The following PAMR1 variants were observed in gnomAD, a reference collection of about 807,000 sequenced individuals.
PAMR1 encodes inactive serine protease PAMR1.
In PAMR1, 88 loss-of-function variants were observed where a neutral mutation model predicts 81.8. The ratio of observed to expected loss-of-function variants is 1.08; its 90% CI spans 0.91 to 1.28. The LOEUF is 1.28. PAMR1 is among the 50% of genes most tolerant of loss of function. The probability of loss-of-function intolerance (pLI) is 0.00; values close to 1 mark genes in which losing one functional copy is unlikely to be tolerated. For synonymous variants in PAMR1, 336 were observed against 345.3 expected (o/e 0.97, Z 0.30); for missense variants, 935 against 919.7 (o/e 1.02, Z -0.21).
At chr11:35,463,815 C>A (rs1856708935) in intron 6 of PAMR1, among the ~76,000 whole-genome samples, 1 of 152,176 alleles carries the variant, frequency 6.6e-6, no homozygotes, top group African/African-American at 2.4e-5. Context: ...GCTCTCACAC[C>A]TTCTTGACAG....
At chr11:35,477,650 A>G (rs1175014799) in intron 3 of PAMR1, among the ~76,000 whole-genome samples, 2 of 152,240 alleles carry the variant, frequency 1.3e-5, no homozygotes, top group Non-Finnish European at 2.9e-5. Context: ...TAAATCGTGC[A>G]TGGCAAACTC....
chr11:35,500,235 A>T (rs1850806358), intron 1 of PAMR1, among the ~76,000 whole-genome samples: 1 of 152,166 alleles, frequency 6.6e-6, no homozygotes, highest in African/African-American at 2.4e-5. Context: ...TCAGTAGGGG[A>T]CTAACATACT....
chr11:35,524,803 C>G (rs1851354405), intron 1 of PAMR1, among the ~76,000 whole-genome samples: 1 of 152,182 alleles, frequency 6.6e-6, no homozygotes, highest in South Asian at 2.1e-4. Flanking sequence ...TCATTTGTCC[C>G]CAGAAGCCCA....
chr11:35,492,074 C>T lies in PAMR1; in HGVS notation c.350G>A (p.Arg117Gln), dbSNP rs147748848. Residue 117 changes from arginine to glutamine, a missense_variant, in exon 3 of 11, where the codon CGA becomes CAA. By Grantham distance (43) the Arg-to-Gln change is conservative. Transcript: ENST00000619888. ...GCAGTCTCCTCCGTACCAGCCTGCT[C>T]GGCACTCTGCACAGTAGAACCCCTT... is the stretch of plus-strand genomic sequence containing the variant. ...YVKGFYCAECRAGWYGGDCMR... is the reference protein window; with the variant it reads ...YVKGFYCAECQAGWYGGDCMR... The T allele has an allele frequency of 2.9e-5, 46 of 1,613,682 alleles. No homozygotes were observed. Among genetic ancestry groups the T allele is most frequent in the African/African-American group, 5.3e-5 (4 of 74,878 alleles).
At chr11:35,496,344 G>A (rs1850726549) in intron 1 of PAMR1, among the ~76,000 whole-genome samples, 1 of 152,192 alleles carries the variant, frequency 6.6e-6, no homozygotes, top group Non-Finnish European at 1.5e-5. Context: ...CAAAATGGGA[G>A]AAAATATCAG....
chr11:35,459,520 C>T (rs1420550104), intron 6 of PAMR1, among the ~76,000 whole-genome samples: 1 of 152,116 alleles, frequency 6.6e-6, no homozygotes, highest in African/African-American at 2.4e-5. Context: ...AAATGTTCCC[C>T]AGTGGTATTC....
intron 3 of PAMR1, among the ~76,000 whole-genome samples, 157 bp downstream of exon 3, chr11:35,491,888 T>G (rs1348110164): frequency 2.0e-5 from 3 of 152,200 alleles, no homozygotes; most frequent in Non-Finnish European, 4.4e-5. Flanking sequence ...ACCTTGCAGA[T>G]GGAAATCCAT....
intron 1 of PAMR1, among the ~76,000 whole-genome samples, chr11:35,499,590 T>C (rs992819302): frequency 1.3e-5 from 2 of 152,066 alleles, no homozygotes; most frequent in African/African-American, 4.8e-5. Context: ...ATGCCAGGGG[T>C]CTCCCTTTTA....
At chr11:35,480,949 G>T (rs1850379324) in intron 3 of PAMR1, among the ~76,000 whole-genome samples, 1 of 152,194 alleles carries the variant, frequency 6.6e-6, no homozygotes, top group Non-Finnish European at 1.5e-5. Context: ...GTGAGAACAT[G>T]TGGTGGTTGG....
chr11:35,455,362 C>G (rs1466058925), intron 6 of PAMR1, among the ~76,000 whole-genome samples: 1 of 152,150 alleles, frequency 6.6e-6, no homozygotes, highest in East Asian at 1.9e-4. Context: ...CATTCCTAAC[C>G]TGGGAGTGGA....
chr11:35,443,392 T>C (rs1856220351), intron 6 of PAMR1, among the ~76,000 whole-genome samples: 1 of 152,090 alleles, frequency 6.6e-6, no homozygotes, highest in South Asian at 2.1e-4. Flanking sequence ...CCAGTGTGTG[T>C]TATTCCCCTC....
At chr11:35,507,109 C>A (rs1281169222) in intron 1 of PAMR1, among the ~76,000 whole-genome samples, 1 of 128,950 alleles carries the variant, frequency 7.8e-6, no homozygotes, top group African/African-American at 3.0e-5. Flanking sequence ...TGCAATGGTG[C>A]AATCTCAGCT....
Position 35,432,359 on chromosome 11 carries a change from T to C in PAMR1, c.2160A>G (p.Lys720=). ...TCAAGGAGTGCATGAGCATGGTTCA[T>C]TTCATATTTCTTTCAATCCAGTCTT... ...PFKDWIERNM[K] is the part of the protein sequence containing the mutation. The change falls in exon 11 of 11, where the codon AAA becomes AAG. Residue 720 remains lysine (K), a synonymous_variant. Transcript: ENST00000619888. The C allele has an allele frequency of 7.5e-6, 12 of 1,609,146 alleles. No homozygotes were observed. The highest frequency in any genetic ancestry group is 1.0e-5 in the Non-Finnish European group (12 of 1,179,106).
chr11:35,497,487 C>T (rs1415499572), intron 1 of PAMR1, among the ~76,000 whole-genome samples: 1 of 152,154 alleles, frequency 6.6e-6, no homozygotes, highest in Non-Finnish European at 1.5e-5. Context: ...GAACTAGATA[C>T]AGGTGATGGT....
chr11:35,456,484 A>G, intron 6 of PAMR1, among the ~76,000 whole-genome samples: 1 of 152,218 alleles, frequency 6.6e-6, no homozygotes, highest in East Asian at 1.9e-4. Flanking sequence ...GCTGAGAATA[A>G]TCATTGGAGA....
chr11:35,508,851 T>C (rs1851024135), intron 1 of PAMR1, among the ~76,000 whole-genome samples: 1 of 152,162 alleles, frequency 6.6e-6, no homozygotes, highest in African/African-American at 2.4e-5. Context: ...GGTCTCCAGC[T>C]CCATCCATGT....
chr11:35,443,898 G>A (rs115290654), intron 6 of PAMR1, among the ~76,000 whole-genome samples: 51 of 152,308 alleles, frequency 3.3e-4, no homozygotes, highest in African/African-American at 4.8e-5. Context: ...TCGCCATTGC[G>A]ACTGGCATGA....
intron 1 of PAMR1, among the ~76,000 whole-genome samples, chr11:35,496,533 T>C (rs964306946): frequency 1.3e-5 from 2 of 152,178 alleles, no homozygotes; most frequent in Admixed American, 6.5e-5. Flanking sequence ...CACAAGTCAT[T>C]TGGGAAATGC....
intron 1 of PAMR1, among the ~76,000 whole-genome samples, chr11:35,524,518 G>A (rs1162721023): frequency 6.6e-6 from 1 of 152,168 alleles, no homozygotes; most frequent in African/African-American, 2.4e-5. Flanking sequence ...CAGCGGCAGA[G>A]CACCCAGCTC....
Sources: gnomAD v4.1 joint callset for allele counts (sites outside exome capture counted in the v4.1 genomes callset) on GRCh38, gnomAD v4.1.1 for gene constraint, MANE v1.5 for transcripts, NCBI Gene and HGNC (gene_info 2026-07-23, HGNC 2026-07-21) for gene names.